RPTOR: variants seen among roughly 807,000 people sequenced by gnomAD.
The protein encoded by RPTOR is regulatory-associated protein of mTOR.
In RPTOR, 21 loss-of-function variants were observed where a neutral mutation model predicts 169.9. The ratio of observed to expected loss-of-function variants is 0.12; its 90% CI spans 0.09 to 0.18. The LOEUF (loss-of-function observed/expected upper bound fraction) is 0.18, where lower values mean the gene tolerates loss of function less well. RPTOR is among the 10% of genes least tolerant of loss of function. The pLI is 1.00. For missense variants in RPTOR, 1,133 were observed against 1,855.9 expected, an observed-to-expected ratio of 0.61 and a Z score of 7.16; for synonymous variants, 732 against 753.2, an observed-to-expected ratio of 0.97 and a Z score of 0.46.
At chr17:80,913,116 C>T (rs921905177) in intron 21 of RPTOR, among the ~76,000 whole-genome samples, 1 of 152,150 alleles carries the variant, frequency 6.6e-6, no homozygotes, top group Admixed American at 6.5e-5. Flanking sequence ...TTCTTGTCTT[C>T]ATTTTAATTT....
In RPTOR at chr17:80,610,228, A is replaced by AT. The variant is rs543337483; in HGVS notation, c.163-15461dup. On this transcript the variant is annotated intron_variant, in intron 1 of 33. Coordinates refer to ENST00000306801, the MANE Select transcript of RPTOR (RefSeq NM_020761.3). ...CCTTGCATTTGTTCATCTTTACCAC[A>AT]TTCATTATACACCCAGCAAAATGTG... Among the ~76,000 whole-genome samples the AT allele has an allele frequency of 4.4e-4, 67 of 151,664 alleles. 1 individual carries two copies. The South Asian group carries it at 0.013, about 30-fold the overall frequency.
intron 20 of RPTOR, among the ~76,000 whole-genome samples, chr17:80,907,676 C>T (rs1818453092): frequency 6.6e-6 from 1 of 152,264 alleles, no homozygotes; most frequent in South Asian, 2.1e-4. Flanking sequence ...AGCCTCCACC[C>T]CACAATCTCT....
intron 1 of RPTOR, among the ~76,000 whole-genome samples, chr17:80,603,584 A>T (rs1355649293): frequency 6.6e-6 from 1 of 152,190 alleles, no homozygotes; most frequent in Non-Finnish European, 1.5e-5. Context: ...AGGACTCAGG[A>T]TCTAATACTC....
intron 20 of RPTOR, among the ~76,000 whole-genome samples, chr17:80,904,083 C>T (rs749438437): frequency 1.3e-4 from 20 of 152,354 alleles, no homozygotes; most frequent in East Asian, 7.7e-4. Flanking sequence ...CCACCCGGCC[C>T]GGGAGGTGCT....
At position 80,635,709 on chromosome 17, in the gene RPTOR, G is replaced by A. The variant is rs139085189; in HGVS notation, c.266-8019G>A. On this transcript the variant is annotated intron_variant, in intron 2 of 33. Coordinates refer to ENST00000306801, the MANE Select transcript of RPTOR (RefSeq NM_020761.3). ...GTGCAGAGAGGGGTGCCAAAGAGGAGGACCAGGGTGGTTCTGGATGAGTGC... is the reference window on the plus strand; with the variant it reads ...GTGCAGAGAGGGGTGCCAAAGAGGAAGACCAGGGTGGTTCTGGATGAGTGC... Among the ~76,000 whole-genome samples, 454 of 152,256 alleles carry A rather than the reference G, an allele frequency of 3.0e-3. 2 individuals are homozygous for A. Among genetic ancestry groups the A allele is most frequent in the African/African-American group, 0.01 (416 of 41,536 alleles).
At chr17:80,701,621 A>G (rs1401311372) in intron 3 of RPTOR, among the ~76,000 whole-genome samples, 1 of 152,312 alleles carries the variant, frequency 6.6e-6, no homozygotes, top group South Asian at 2.1e-4. Flanking sequence ...GAGTCCTGAA[A>G]TGACATTTGT....
At position 80,828,412 on chromosome 17, in the gene RPTOR, A is replaced by G. The variant is rs563088117; in HGVS notation, c.1136+5189A>G. ...GGTTTTCCCTCCAGCTGGACATGAG[A>G]AGCTGCTGGGGAGTCAGCAGCCCTG... On this transcript the variant is annotated intron_variant, in intron 9 of 33. Transcript: ENST00000306801. Among the ~76,000 whole-genome samples the G allele has an allele frequency of 2.6e-5, 4 of 152,302 alleles. No individual in the cohort carries two copies. In the East Asian group the frequency reaches 7.7e-4, roughly 29 times the overall value.
chr17:80,922,693 G>A (rs1383327468), intron 21 of RPTOR, 31 bp from the exon 22 acceptor site: 2 of 1,536,360 alleles, frequency 1.3e-6, no homozygotes, highest in Non-Finnish European at 1.8e-6. Context: ...CGTCCCGTCT[G>A]ACCTTCACAC....
At chr17:80,906,695 C>T (rs947392082) in intron 20 of RPTOR, among the ~76,000 whole-genome samples, 1 of 152,214 alleles carries the variant, frequency 6.6e-6, no homozygotes, top group African/African-American at 2.4e-5. Flanking sequence ...AGGTCCCAGC[C>T]TCTCATGATT....
At position 80,957,567 on chromosome 17, in the gene RPTOR, A is replaced by G; in HGVS notation, c.3371-57A>G. On this transcript the variant is annotated intron_variant, in intron 28 of 33. Coordinates refer to ENST00000306801, the MANE Select transcript of RPTOR (RefSeq NM_020761.3). The surrounding 1 kb of genome is among the most constrained non-coding windows in gnomAD (Gnocchi z 4.6). The stretch of plus-strand genomic sequence containing the variant: ...AATTGCTGCCCAGAGCAGGCCCCAA[A>G]GCCTGCCCAAGGCAAGGGCCCATGG... The G allele has an allele frequency of 6.5e-7, 1 of 1,531,938 alleles. No individual in the cohort carries two copies. Among genetic ancestry groups the G allele is most frequent in the Non-Finnish European group, 9.0e-7 (1 of 1,105,806 alleles). 94.9% of individuals were successfully genotyped at this position (1,531,938 alleles called of 1,614,324 possible).
At chr17:80,676,123 T>C (rs1178466450) in intron 3 of RPTOR, among the ~76,000 whole-genome samples, 3 of 151,910 alleles carry the variant, frequency 2.0e-5, no homozygotes, top group Non-Finnish European at 4.4e-5. Flanking sequence ...GAATTGAAGG[T>C]AATTCTGGAA....
At chr17:80,688,668 C>T (rs185408964) in intron 3 of RPTOR, among the ~76,000 whole-genome samples, 86 of 152,330 alleles carry the variant, frequency 5.6e-4, no homozygotes, top group East Asian at 2.7e-3. Context: ...TAAGCATCTC[C>T]GGTGCTATGC....
chr17:80,687,548 C>A (rs1238677639), intron 3 of RPTOR, among the ~76,000 whole-genome samples: 1 of 152,210 alleles, frequency 6.6e-6, no homozygotes, highest in Non-Finnish European at 1.5e-5. Flanking sequence ...CCTGCCTCTG[C>A]CCCACACCAG....
chr17:80,688,751 G>A (rs758376480), intron 3 of RPTOR, among the ~76,000 whole-genome samples: 1 of 152,176 alleles, frequency 6.6e-6, no homozygotes, highest in African/African-American at 2.4e-5. Context: ...TTAATTTTGC[G>A]GTTACTGTTA....
chr17:80,831,749 G>A (rs879647776), intron 9 of RPTOR, among the ~76,000 whole-genome samples: 1 of 151,608 alleles, frequency 6.6e-6, no homozygotes, highest in Non-Finnish European at 1.5e-5. Context: ...GTGTATCCCT[G>A]TGTATCACTA....
At chr17:80,775,904 A>T (rs560163993) in intron 6 of RPTOR, among the ~76,000 whole-genome samples, 2 of 152,352 alleles carry the variant, frequency 1.3e-5, no homozygotes, top group East Asian at 3.9e-4. Context: ...TTTGAAGATC[A>T]CTGATTTTAT....
intron 3 of RPTOR, among the ~76,000 whole-genome samples, chr17:80,645,215 G>T (rs968428886): frequency 3.3e-5 from 5 of 152,196 alleles, no homozygotes; most frequent in Admixed American, 2.0e-4. Context: ...ACTTGCAGGA[G>T]TGTGGGGCAG....
chr17:80,601,192 A>G lies in RPTOR; in HGVS notation c.163-24499A>G, dbSNP rs1048437140. Among the ~76,000 whole-genome samples the G allele has an allele frequency of 1.7e-4, 13 of 75,830 alleles. No individual in the cohort carries two copies. In the Middle Eastern group the frequency reaches 0.018, roughly 105 times the overall value. The allele number at this position is 75,830 out of a possible 152,430, so 49.7% of individuals were successfully genotyped here. A position where few individuals can be genotyped will look rare whatever the true frequency, so the allele number is the denominator to read the frequency against. The stretch of plus-strand genomic sequence containing the variant: ...CAGCCGCCAGATGTGTGAGTGGTGA[A>G]GCTTCTGGTGGTGCCAGTGCCAGCC... On this transcript the variant is annotated intron_variant, in intron 1 of 33. Transcript: ENST00000306801.
Position 80,841,167 on chromosome 17 carries a change from TCTCACCGCACGGCAGCTCACA to T in RPTOR, c.1212+3191_1212+3211del, listed in dbSNP as rs1567942921. On this transcript the variant is annotated intron_variant, in intron 10 of 33. Transcript: ENST00000306801. ...TCACTCTCACCGCACGGCAGCTCAC[TCTCACCGCACGGCAGCTCACA>T]CTCACCGCACGGCAGCTCACTCTCA... 3.9e-3 allele frequency among the ~76,000 whole-genome samples: 100 copies of T among 25,478 alleles called. 14 individuals are homozygous for T. The highest frequency in any genetic ancestry group is 8.0e-3 in the East Asian group (6 of 754). The allele number at this position is 25,478 out of a possible 152,430, so 16.7% of individuals were successfully genotyped here.
Sources: gnomAD v4.1 joint callset for allele counts (sites outside exome capture counted in the v4.1 genomes callset) on GRCh38, gnomAD v4.1.1 for gene constraint, Gnocchi (gnomAD v3.1) non-coding constraint, MANE v1.5 for transcripts, NCBI Gene and HGNC (gene_info 2026-07-23, HGNC 2026-07-21) for gene names.